Variants in PIWIL2 observed in about 807,000 individuals in gnomAD.
PIWIL2 encodes the protein piwi-like protein 2.
PIWIL2 carries 81 observed loss-of-function variants against 116.5 expected under a neutral mutation model. That is an observed-to-expected ratio of 0.70 (90% confidence interval 0.58 to 0.84). The LOEUF is 0.84. Ranked by LOEUF, PIWIL2 falls within the 40% of genes least tolerant of loss-of-function variation. The probability of loss-of-function intolerance (pLI) is 0.00; values close to 1 mark genes in which losing one functional copy is unlikely to be tolerated. For synonymous variants in PIWIL2, 489 were observed against 429.5 expected (o/e 1.14, Z -1.71); for missense variants, 1,272 against 1,212.3 (o/e 1.05, Z -0.73).
chr8:22,295,773 G>GT (rs1216541889), intron 10 of PIWIL2, among the ~76,000 whole-genome samples: 4 of 152,228 alleles, frequency 2.6e-5, no homozygotes, highest in African/African-American at 9.6e-5. Context: ...GTTTAAAAAT[G>GT]TAACAGCTTT....
intron 13 of PIWIL2, among the ~76,000 whole-genome samples, chr8:22,306,704 AAG>A (rs1456125428): frequency 5.3e-5 from 8 of 152,208 alleles, no homozygotes; most frequent in African/African-American, 1.9e-4. Context: ...ATCATAAAGA[AAG>A]AGCTTGAAGT....
chr8:22,303,238 A>C (rs1466400020), intron 10 of PIWIL2, among the ~76,000 whole-genome samples: 1 of 152,200 alleles, frequency 6.6e-6, no homozygotes, highest in African/African-American at 2.4e-5. Context: ...ATACAAACAC[A>C]CCAGTGTATG....
chr8:22,335,712 T>A (rs1831966087), intron 20 of PIWIL2, among the ~76,000 whole-genome samples: 1 of 152,094 alleles, frequency 6.6e-6, no homozygotes, highest in Non-Finnish European at 1.5e-5. Context: ...CACACCCAGC[T>A]AAATTTGTTG....
intron 6 of PIWIL2, among the ~76,000 whole-genome samples, chr8:22,284,841 T>C (rs919661205): frequency 6.6e-6 from 1 of 152,114 alleles, no homozygotes. Context: ...TTATATTAGT[T>C]TGTGTTCTCT....
intron 20 of PIWIL2, among the ~76,000 whole-genome samples, chr8:22,351,464 T>TAGATATAG (rs1318996120): frequency 2.9e-5 from 3 of 103,318 alleles, no homozygotes; most frequent in African/African-American, 1.4e-4. Flanking sequence ...TATATATATA[T>TAGATATAG]ATATATATAT....
At chr8:22,303,413 A>G (rs773557427) in intron 10 of PIWIL2, among the ~76,000 whole-genome samples, 16 of 152,164 alleles carry the variant, frequency 1.1e-4, no homozygotes, top group Non-Finnish European at 1.9e-4. Context: ...TAATTTAGGG[A>G]CAGGGCCTTA....
chr8:22,275,659 C>T (rs1830346895), intron 1 of PIWIL2: 1 of 152,228 alleles, frequency 6.6e-6, no homozygotes, highest in Admixed American at 6.5e-5. Context: ...CTTATTTGGC[C>T]TGAGAGAGGA....
chr8:22,313,448 C>T (rs552071013), intron 16 of PIWIL2, among the ~76,000 whole-genome samples: 2 of 152,186 alleles, frequency 1.3e-5, no homozygotes, highest in African/African-American at 4.8e-5. Flanking sequence ...TTAATTTAAA[C>T]AAACATAAAC....
chr8:22,310,585 G>T (rs963203968), intron 15 of PIWIL2, among the ~76,000 whole-genome samples: 10 of 151,938 alleles, frequency 6.6e-5, no homozygotes, highest in African/African-American at 2.4e-4. Flanking sequence ...AAATATAAAC[G>T]AAAAGCACAC....
At position 22,303,950 on chromosome 8, in the gene PIWIL2, T is replaced by C. The variant is rs986943059; in HGVS notation, c.1182-71T>C. On this transcript the variant is annotated intron_variant, in intron 10 of 22. Coordinates refer to ENST00000356766, the MANE Select transcript of PIWIL2 (RefSeq NM_018068.5). ...GCTGTGATTAGATTCCTCAATTACTTGATCCCCTATCCCTTTCATACTGTT... is the reference window on the plus strand; with the variant it reads ...GCTGTGATTAGATTCCTCAATTACTCGATCCCCTATCCCTTTCATACTGTT... 5.3e-6 allele frequency: 5 copies of C among 941,712 alleles called. No homozygotes were observed. The African/African-American group carries it at 6.7e-5, about 13-fold the overall frequency. The allele number at this position is 941,712 out of a possible 1,614,324, so 58.3% of individuals were successfully genotyped here.
At chr8:22,301,054 A>G (rs1201655269) in intron 10 of PIWIL2, among the ~76,000 whole-genome samples, 2 of 151,840 alleles carry the variant, frequency 1.3e-5, no homozygotes, top group Non-Finnish European at 2.9e-5. Context: ...GTCACATCTC[A>G]CTGCAGCCTT....
intron 8 of PIWIL2, among the ~76,000 whole-genome samples, chr8:22,288,982 A>AAC: frequency 6.6e-6 from 1 of 152,162 alleles, no homozygotes; most frequent in Non-Finnish European, 1.5e-5. Flanking sequence ...GGGGCTACTT[A>AAC]AAGAGGTTGT....
intron 10 of PIWIL2, among the ~76,000 whole-genome samples, chr8:22,296,020 CTTTT>C (rs67357452): frequency 1.1e-4 from 11 of 102,818 alleles, no homozygotes; most frequent in Admixed American, 2.0e-4. Context: ...CTCTTCCCTT[CTTTT>C]TTTTTTTTTT....
At chr8:22,297,359 C>A (rs1189561475) in intron 10 of PIWIL2, among the ~76,000 whole-genome samples, 3 of 152,154 alleles carry the variant, frequency 2.0e-5, no homozygotes, top group Non-Finnish European at 4.4e-5. Flanking sequence ...CTTAAGTTAT[C>A]CTCCTTCTAC....
At chr8:22,320,319 A>C (rs1453354710) in intron 20 of PIWIL2, among the ~76,000 whole-genome samples, 1 of 143,996 alleles carries the variant, frequency 6.9e-6, no homozygotes, top group African/African-American at 2.6e-5. Flanking sequence ...GCTGGAGTAC[A>C]GTGGCGCAAT....
chr8:22,310,744 G>A (rs934389956), intron 15 of PIWIL2, among the ~76,000 whole-genome samples: 1 of 151,926 alleles, frequency 6.6e-6, no homozygotes, highest in Non-Finnish European at 1.5e-5. Flanking sequence ...CACACACCCA[G>A]TATAGCCACT....
At chr8:22,288,445 T>C (rs1248711070) in intron 7 of PIWIL2, 97 bp from the exon 8 acceptor site, 5 of 888,540 alleles carry the variant, frequency 5.6e-6, no homozygotes, top group Non-Finnish European at 8.4e-6. Flanking sequence ...TTTAAGATAC[T>C]TTAGTGTTCT....
intron 20 of PIWIL2, among the ~76,000 whole-genome samples, chr8:22,328,001 G>T (rs1831766895): frequency 6.6e-6 from 1 of 151,294 alleles, no homozygotes; most frequent in South Asian, 2.1e-4. Flanking sequence ...TGGTTTTGGT[G>T]CTCAATCTAA....
At chr8:22,335,336 ATG>A (rs1831955857) in intron 20 of PIWIL2, among the ~76,000 whole-genome samples, 1 of 152,116 alleles carries the variant, frequency 6.6e-6, no homozygotes, top group African/African-American at 2.4e-5. Context: ...TCAAAGAAAA[ATG>A]TGGTAGACGT....
Sources: gnomAD v4.1 joint callset for allele counts (sites outside exome capture counted in the v4.1 genomes callset) on GRCh38, gnomAD v4.1.1 for gene constraint, MANE v1.5 for transcripts, NCBI Gene and HGNC (gene_info 2026-07-23, HGNC 2026-07-21) for gene names.